Variants in HS6ST2 observed in about 807,000 individuals in gnomAD.
HS6ST2 encodes the protein heparan sulfate 6-O-sulfotransferase 2, also known as heparan-sulfate 6-O-sulfotransferase 2.
HS6ST2 carries 17 observed loss-of-function variants against 33.0 expected under a neutral mutation model. The ratio of observed to expected loss-of-function variants is 0.52; its 90% CI spans 0.35 to 0.77. The LOEUF is 0.77. Among genes scored for constraint, HS6ST2 ranks in the 30% least tolerant of loss-of-function variants. The pLI is 0.01. For missense variants in HS6ST2, 519 were observed against 551.7 expected (o/e 0.94, Z 0.59); for synonymous variants, 248 against 237.1 (o/e 1.05, Z -0.42).
intron 3 of HS6ST2, among the ~76,000 whole-genome samples, chrX:132,681,503 G>A (rs1344437283): frequency 1.8e-5 from 2 of 111,340 alleles, no homozygotes; most frequent in African/African-American, 6.5e-5. Flanking sequence ...AGAATTTAAG[G>A]GCTGGGCATG....
chrX:132,952,218 G>A (rs1330679080), intron 2 of HS6ST2, among the ~76,000 whole-genome samples: 1 of 111,795 alleles, frequency 8.9e-6, no homozygotes, highest in Non-Finnish European at 1.9e-5. Context: ...CACCATGTTC[G>A]ACATCCATGC....
chrX:132,759,916 G>A (rs1190211835), intron 2 of HS6ST2, among the ~76,000 whole-genome samples: 2 of 111,665 alleles, frequency 1.8e-5, no homozygotes, highest in Admixed American at 1.9e-4. Context: ...TATGAGGTAG[G>A]TTCTATTTAT....
intron 2 of HS6ST2, among the ~76,000 whole-genome samples, chrX:132,788,037 C>T (rs1396108536): frequency 9.0e-6 from 1 of 111,429 alleles, no homozygotes; most frequent in Middle Eastern, 4.3e-3. Flanking sequence ...CCTTTGAAGT[C>T]TCAGTGTTTG....
At chrX:132,814,095 C>T (rs890107314) in intron 2 of HS6ST2, among the ~76,000 whole-genome samples, 1 of 110,989 alleles carries the variant, frequency 9.0e-6, no homozygotes, top group African/African-American at 3.3e-5. Context: ...AGGCACCCAC[C>T]ACCACGCCCG....
At chrX:132,720,084 C>G (rs2064314914) in intron 2 of HS6ST2, among the ~76,000 whole-genome samples, 1 of 112,261 alleles carries the variant, frequency 8.9e-6, no homozygotes, top group South Asian at 3.7e-4. Context: ...CACACACAGC[C>G]CCACCATGGT....
chrX:132,642,451 G>C (rs986829834), intron 4 of HS6ST2, among the ~76,000 whole-genome samples: 59 of 111,216 alleles, frequency 5.3e-4, no homozygotes, highest in Non-Finnish European at 9.2e-4. Context: ...TTCTGGGGGG[G>C]TGTGGGGGAA....
chrX:132,800,343 C>G (rs1163128753), intron 2 of HS6ST2, among the ~76,000 whole-genome samples: 1 of 111,627 alleles, frequency 9.0e-6, no homozygotes, highest in African/African-American at 3.3e-5. Flanking sequence ...CCAGATGGGA[C>G]CATCTAATTG....
At chrX:132,825,761 G>T (rs1569494908) in intron 2 of HS6ST2, among the ~76,000 whole-genome samples, 1 of 92,824 alleles carries the variant, frequency 1.1e-5, no homozygotes, top group Non-Finnish European at 2.3e-5. Context: ...AGGTCTCTTA[G>T]CCATCTCTCT....
rs1751522990 is a variant in HS6ST2 at position 132,958,210 on chromosome X, A to G, written c.393T>C (p.Gly131=). The G allele has an allele frequency of 6.0e-6, 7 of 1,165,455 alleles. No homozygotes were observed. The South Asian group carries it at 1.1e-4, about 19-fold the overall frequency. ...ALGHSLKHVL[G]AIFSKIFGPM... is the part of the protein sequence containing the mutation. ...GGCCGAAAATCTTGGAGAAGATCGC[A>G]CCGAGCACGTGCTTCAGCGAGTGGC... Residue 131 remains glycine, a synonymous_variant, in exon 1 of 5, where the codon GGT becomes GGC. Transcript: ENST00000370833.
At chrX:132,718,631 G>T (rs2064299490) in intron 2 of HS6ST2, among the ~76,000 whole-genome samples, 1 of 110,864 alleles carries the variant, frequency 9.0e-6, no homozygotes, top group African/African-American at 3.3e-5. Flanking sequence ...CTTCCTGTTT[G>T]CCTCTCTTTA....
chrX:132,745,945 A>G (rs1211988371), intron 2 of HS6ST2, among the ~76,000 whole-genome samples: 1 of 111,814 alleles, frequency 8.9e-6, no homozygotes, highest in South Asian at 3.7e-4. Flanking sequence ...AACTTTACAT[A>G]AAAAGGTTTG....
At chrX:132,745,391 G>GT (rs922305171) in intron 2 of HS6ST2, among the ~76,000 whole-genome samples, 16 of 108,798 alleles carry the variant, frequency 1.5e-4, no homozygotes, top group East Asian at 2.9e-4. Flanking sequence ...AGCCCCGATA[G>GT]TTTTTTTTTT....
At chrX:132,654,443 T>C (rs2063716810) in intron 4 of HS6ST2, among the ~76,000 whole-genome samples, 1 of 111,358 alleles carries the variant, frequency 9.0e-6, no homozygotes, top group South Asian at 3.8e-4. Context: ...GAAGTGCTCC[T>C]AGCCCCTCTC....
At chrX:132,637,372 G>A (rs2063556142) in intron 4 of HS6ST2, among the ~76,000 whole-genome samples, 1 of 110,766 alleles carries the variant, frequency 9.0e-6, no homozygotes, top group Non-Finnish European at 1.9e-5. Flanking sequence ...CAAGCCAACT[G>A]TGCCCCCGGA....
intron 2 of HS6ST2, among the ~76,000 whole-genome samples, chrX:132,718,573 G>C (rs754312266): frequency 9.0e-6 from 1 of 111,024 alleles, no homozygotes; most frequent in South Asian, 4.0e-4. Flanking sequence ...CTGAGAGCTG[G>C]GGACTGCATC....
intron 3 of HS6ST2, among the ~76,000 whole-genome samples, chrX:132,673,204 T>C (rs1158837138): frequency 8.9e-6 from 1 of 112,623 alleles, no homozygotes; most frequent in East Asian, 2.8e-4. Flanking sequence ...GTTGCTTATA[T>C]TTTATTATTT....
At position 132,669,134 on chromosome X, in the gene HS6ST2, C is replaced by T. The variant is rs201239951; in HGVS notation, c.1046G>A (p.Arg349Gln). The T allele has an allele frequency of 8.8e-4, 1,063 of 1,203,686 alleles. 2 individuals carry two copies. The highest frequency in any genetic ancestry group is 3.7e-3 in the Middle Eastern group (16 of 4,345). ...GANSPSSTKT[R>Q]NTSKSGKNFH... ...TTACTTCCCACTCTTAGATGTGTTC[C>T]GGGTCTTTGTGGATGACGGAGAGTT... Residue 349 changes from arginine to glutamine, a missense_variant, in exon 4 of 5, where the codon CGG becomes CAG. Arg to Gln is a conservative substitution (Grantham distance 43). Transcript: ENST00000370833.
chrX:132,730,551 A>C (rs916257550), intron 2 of HS6ST2, among the ~76,000 whole-genome samples: 4 of 111,968 alleles, frequency 3.6e-5, no homozygotes, highest in African/African-American at 1.3e-4. Context: ...GGAATCAATT[A>C]ATTTAATCAG....
intron 3 of HS6ST2, among the ~76,000 whole-genome samples, chrX:132,703,931 AAC>A (rs1156450847): frequency 3.6e-5 from 4 of 112,116 alleles, no homozygotes; most frequent in African/African-American, 9.7e-5. Context: ...ACCTGCATAT[AAC>A]AAAAAAAAAT....
Sources: gnomAD v4.1 joint callset for allele counts (sites outside exome capture counted in the v4.1 genomes callset) on GRCh38, gnomAD v4.1.1 for gene constraint, MANE v1.5 for transcripts, NCBI Gene and HGNC (gene_info 2026-07-23, HGNC 2026-07-21) for gene names.